The following ZFPM2 variants were observed in gnomAD, a reference collection of about 807,000 sequenced individuals.
ZFPM2 encodes the protein zinc finger protein ZFPM2.
Under a neutral mutation model 98.6 loss-of-function variants are expected in ZFPM2, and 20 were observed. That is an observed-to-expected ratio of 0.20 (90% CI 0.14 to 0.29). ZFPM2 has a LOEUF of 0.29. Ranked by LOEUF, ZFPM2 falls within the 10% of genes least tolerant of loss-of-function variation. ZFPM2 has a pLI of 1.00. For synonymous variants in ZFPM2, 518 were observed against 502.7 expected, an observed-to-expected ratio of 1.03 and a Z score of -0.41; for missense variants, 1,310 against 1,388.6, an observed-to-expected ratio of 0.94 and a Z score of 0.90.
intron 5 of ZFPM2, among the ~76,000 whole-genome samples, chr8:105,755,354 T>A (rs1273947409): frequency 6.6e-6 from 1 of 152,124 alleles, no homozygotes; most frequent in Non-Finnish European, 1.5e-5. Flanking sequence ...GTCTCTTTTT[T>A]CTGTAAAGTT....
At chr8:105,683,641 C>T (rs1810664796) in intron 5 of ZFPM2, among the ~76,000 whole-genome samples, 1 of 152,052 alleles carries the variant, frequency 6.6e-6, no homozygotes, top group Admixed American at 6.6e-5. Context: ...CCACGCTAAC[C>T]AAAATTACCA....
At chr8:105,362,360 T>C (rs1274409273) in intron 1 of ZFPM2, among the ~76,000 whole-genome samples, 1 of 151,986 alleles carries the variant, frequency 6.6e-6, no homozygotes, top group African/African-American at 2.4e-5. Flanking sequence ...TTGGTGCTAC[T>C]AAGTTCGTAT....
intron 1 of ZFPM2, among the ~76,000 whole-genome samples, chr8:105,330,621 T>TATAC (rs771219736): frequency 6.7e-5 from 7 of 104,624 alleles, no homozygotes; most frequent in African/African-American, 2.1e-4. Context: ...CACATATATA[T>TATAC]ATATATATAT....
intron 4 of ZFPM2, among the ~76,000 whole-genome samples, chr8:105,586,691 G>C (rs997247553): frequency 6.6e-6 from 1 of 151,884 alleles, no homozygotes; most frequent in Non-Finnish European, 1.5e-5. Flanking sequence ...AAAGTGCTGG[G>C]ATTACAGGCG....
In ZFPM2 at chr8:105,765,505, G is replaced by A. The variant is rs999133996; in HGVS notation, c.533-23213G>A. The stretch of plus-strand genomic sequence containing the variant: ...TTAATAGATTGTCCTTTGATCTCTG[G>A]AGACAATTGCATTTTACTTCTCTAA... On this transcript the variant is annotated intron_variant, in intron 5 of 7. Coordinates refer to ENST00000407775, the MANE Select transcript of ZFPM2 (RefSeq NM_012082.4). Among the ~76,000 whole-genome samples, 38 of 151,668 alleles carry A rather than the reference G, an allele frequency of 2.5e-4. No individual in the cohort carries two copies. In the Admixed American group the frequency reaches 2.5e-3, roughly 10 times the overall value.
intron 1 of ZFPM2, among the ~76,000 whole-genome samples, chr8:105,380,166 T>C (rs1235642165): frequency 6.6e-6 from 1 of 152,182 alleles, no homozygotes; most frequent in Non-Finnish European, 1.5e-5. Flanking sequence ...TCAATAGTTA[T>C]TTGTAGCAGG....
At chr8:105,512,706 T>G (rs1367979985) in intron 3 of ZFPM2, among the ~76,000 whole-genome samples, 1 of 152,218 alleles carries the variant, frequency 6.6e-6, no homozygotes, top group Non-Finnish European at 1.5e-5. Context: ...GTTAACTTTA[T>G]AAATGTCAGA....
chr8:105,797,830 T>C (rs1813878485), intron 6 of ZFPM2, among the ~76,000 whole-genome samples: 1 of 152,252 alleles, frequency 6.6e-6, no homozygotes, highest in African/African-American at 2.4e-5. Flanking sequence ...TCAGCCTCTT[T>C]TCCATGCCCT....
At chr8:105,796,073 T>A (rs1375770930) in intron 6 of ZFPM2, among the ~76,000 whole-genome samples, 1 of 152,202 alleles carries the variant, frequency 6.6e-6, no homozygotes, top group Non-Finnish European at 1.5e-5. Context: ...ATCAGATGAG[T>A]CTGAAATTAC....
At chr8:105,521,934 A>G (rs1814071925) in intron 3 of ZFPM2, among the ~76,000 whole-genome samples, 1 of 152,254 alleles carries the variant, frequency 6.6e-6, no homozygotes, top group Admixed American at 6.5e-5. Flanking sequence ...CTATGGATAT[A>G]AACACCTATT....
chr8:105,410,509 C>T (rs1203266086), intron 1 of ZFPM2, among the ~76,000 whole-genome samples: 4 of 151,776 alleles, frequency 2.6e-5, no homozygotes, highest in Admixed American at 2.0e-4. Flanking sequence ...GACTCCGTGC[C>T]CCATTTAAAA....
intron 4 of ZFPM2, among the ~76,000 whole-genome samples, chr8:105,572,033 C>CTT (rs869198147): frequency 0.066 from 6,820 of 103,070 alleles, 567 homozygotes; most frequent in African/African-American, 0.17. Flanking sequence ...GGGTAAATTT[C>CTT]TTTTTTTTTT....
intron 5 of ZFPM2, among the ~76,000 whole-genome samples, chr8:105,661,902 A>G (rs531428396): frequency 6.6e-6 from 1 of 152,222 alleles, no homozygotes; most frequent in South Asian, 2.1e-4. Context: ...TAGCGCTGCA[A>G]GGTAGGTGAT....
At chr8:105,666,355 A>G (rs1333208843) in intron 5 of ZFPM2, among the ~76,000 whole-genome samples, 1 of 152,212 alleles carries the variant, frequency 6.6e-6, no homozygotes, top group Non-Finnish European at 1.5e-5. Context: ...AAAATTATCG[A>G]TAACACACCT....
At chr8:105,521,140 C>G (rs1289772510) in intron 3 of ZFPM2, among the ~76,000 whole-genome samples, 3 of 151,664 alleles carry the variant, frequency 2.0e-5, no homozygotes, top group Non-Finnish European at 4.4e-5. Context: ...TATACACACA[C>G]ACACACACAC....
Position 105,695,101 on chromosome 8 carries a change from A to C in ZFPM2, c.532+60744A>C, listed in dbSNP as rs565357819. ...GTCTACATAGGATCAGCATTGAATC[A>C]TTAGCCATATTGCCATACTTTATAA... On this transcript the variant is annotated intron_variant, in intron 5 of 7. Coordinates refer to ENST00000407775, the MANE Select transcript of ZFPM2 (RefSeq NM_012082.4). Among the ~76,000 whole-genome samples, 3 of 152,298 alleles carry C rather than the reference A, an allele frequency of 2.0e-5. No individual in the cohort carries two copies. The East Asian group carries it at 5.8e-4, about 29-fold the overall frequency.
At chr8:105,565,721 G>C (rs1041158926) in intron 4 of ZFPM2, among the ~76,000 whole-genome samples, 2 of 152,168 alleles carry the variant, frequency 1.3e-5, no homozygotes, top group Non-Finnish European at 2.9e-5. Context: ...GTAATCTGTG[G>C]AAGTGAACCC....
intron 1 of ZFPM2, among the ~76,000 whole-genome samples, chr8:105,372,301 C>A (rs1442906636): frequency 6.6e-6 from 1 of 152,006 alleles, no homozygotes; most frequent in Middle Eastern, 3.2e-3. Flanking sequence ...CTCGGCCTCC[C>A]AAAGTGCTGG....
chr8:105,470,233 G>A (rs1307518819), intron 3 of ZFPM2, among the ~76,000 whole-genome samples: 1 of 152,018 alleles, frequency 6.6e-6, no homozygotes, highest in Non-Finnish European at 1.5e-5. Flanking sequence ...GGATAGCACA[G>A]GGCTTAATAA....
Sources: gnomAD v4.1 joint callset for allele counts (sites outside exome capture counted in the v4.1 genomes callset) on GRCh38, gnomAD v4.1.1 for gene constraint, MANE v1.5 for transcripts, NCBI Gene and HGNC (gene_info 2026-07-23, HGNC 2026-07-21) for gene names.